The following ADNP variants were observed in gnomAD, a reference collection of about 807,000 sequenced individuals.
ADNP encodes activity dependent neuroprotector homeobox.
In ADNP, 4 loss-of-function variants were observed where a neutral mutation model predicts 84.9. The ratio of observed to expected loss-of-function variants is 0.05; its 90% CI spans 0.02 to 0.11. ADNP has a LOEUF of 0.11. ADNP is among the 10% of genes least tolerant of loss of function. The pLI is 1.00. For missense variants in ADNP, 1,132 were observed against 1,326.0 expected, an observed-to-expected ratio of 0.85 and a Z score of 2.27; for synonymous variants, 554 against 468.1, an observed-to-expected ratio of 1.18 and a Z score of -2.37.
In ADNP at chr20:50,892,617, C is replaced by G. The variant is rs752177615; in HGVS notation, c.2097G>C (p.Lys699Asn). The G allele has an allele frequency of 6.2e-7, 1 of 1,614,196 alleles. No individual in the cohort carries two copies. Residue 699 changes from lysine (K) to asparagine (N), a missense_variant, in exon 6 of 6, where the codon AAG (lysine) becomes AAC (asparagine). This residue lies in a region of ADNP where 101 missense variants were observed against 78.5 expected (regional missense o/e 1.29). Transcript: ENST00000621696. ...GATTAAGCCGAGAGGGTGCATTTGT[C>G]TTATCCTGGCCATTTTGGGTCTTTC... is the stretch of plus-strand genomic sequence containing the variant. ...GVGKTQNGQD[K>N]TNAPSRLNQS...
At chr20:50,895,561 A>G (rs564753102) in intron 5 of ADNP, among the ~76,000 whole-genome samples, 1 of 152,140 alleles carries the variant, frequency 6.6e-6, no homozygotes, top group East Asian at 1.9e-4. Flanking sequence ...TAAAAAAAAA[A>G]TTTTGAGACA....
chr20:50,889,604 T>G lies in ADNP; in HGVS notation c.*1801A>C, dbSNP rs1341597212. The G allele has an allele frequency of 8.8e-6, 3 of 340,836 alleles. No homozygotes were observed. Among genetic ancestry groups the G allele is most frequent in the African/African-American group, 6.3e-5 (3 of 47,508 alleles). The allele number at this position is 340,836 out of a possible 1,614,324, so 21.1% of individuals were successfully genotyped here. A position where few individuals can be genotyped will look rare whatever the true frequency, so the allele number is the denominator to read the frequency against. ...ACAGCATTAACAAGAGTCTTTCTTTTGGAAACAGACTCAGAAGTTATGGAC... is the reference window on the plus strand; with the variant it reads ...ACAGCATTAACAAGAGTCTTTCTTTGGGAAACAGACTCAGAAGTTATGGAC... On this transcript the variant is annotated 3_prime_UTR_variant, in exon 6 of 6. Coordinates refer to ENST00000621696, the MANE Select transcript of ADNP (RefSeq NM_001282531.3).
At chr20:50,907,385 ACCT>A (rs1982589570) in intron 2 of ADNP, among the ~76,000 whole-genome samples, 1 of 133,224 alleles carries the variant, frequency 7.5e-6, no homozygotes, top group African/African-American at 2.9e-5. Context: ...TCCTTCCTCA[ACCT>A]CCTGAGTAGC....
chr20:50,901,455 T>C (rs1179871330), intron 5 of ADNP, among the ~76,000 whole-genome samples: 5 of 151,770 alleles, frequency 3.3e-5, no homozygotes, highest in Admixed American at 6.6e-5. Flanking sequence ...AAAAATTAAA[T>C]TGACAATTAC....
In ADNP at chr20:50,918,525, T is replaced by A. The variant is rs6013042; in HGVS notation, c.-90+10126A>T. 2.0e-3 allele frequency among the ~76,000 whole-genome samples: 303 copies of A among 152,304 alleles called. 1 individual carries two copies. The highest frequency in any genetic ancestry group is 7.0e-3 in the African/African-American group (292 of 41,554). On this transcript the variant is annotated intron_variant, in intron 2 of 5. Coordinates refer to ENST00000621696, the MANE Select transcript of ADNP (RefSeq NM_001282531.3). ...AAAAAAAATGGTAGAGTGTTCACGT[T>A]ATTGGCAAATCTGCTCCACTCCAAG...
At chr20:50,909,052 C>T (rs1389502314) in intron 2 of ADNP, among the ~76,000 whole-genome samples, 2 of 150,626 alleles carry the variant, frequency 1.3e-5, no homozygotes, top group Non-Finnish European at 3.0e-5. Context: ...TTCTCTTTTG[C>T]CTCATTAGGA....
chr20:50,930,940 CG>C lies in ADNP; in HGVS notation c.-380del. On this transcript the variant is annotated 5_prime_UTR_variant, in exon 1 of 6. Coordinates refer to ENST00000621696, the MANE Select transcript of ADNP (RefSeq NM_001282531.3). Reference sequence around the variant, plus strand: ...GTGGCGGCAGCGGGGAGGGCGCGCCCGGGGCCTCGTCGCGCTCCGGCTCGGC... The same window carrying C: ...GTGGCGGCAGCGGGGAGGGCGCGCCCGGGCCTCGTCGCGCTCCGGCTCGGC... 1 of 141,942 alleles carries C rather than the reference CG, an allele frequency of 7.0e-6. No homozygotes were observed. The highest frequency in any genetic ancestry group is 1.9e-4 in the South Asian group (1 of 5,342). The allele number at this position is 141,942 out of a possible 1,614,324, so 8.8% of individuals were successfully genotyped here.
chr20:50,911,515 T>C (rs1010889894), intron 2 of ADNP, among the ~76,000 whole-genome samples: 10 of 151,964 alleles, frequency 6.6e-5, no homozygotes, highest in East Asian at 5.8e-4. Flanking sequence ...CTTTTCTTTT[T>C]TTTTTTTTTG....
At chr20:50,910,987 G>A (rs1982971968) in intron 2 of ADNP, among the ~76,000 whole-genome samples, 2 of 152,146 alleles carry the variant, frequency 1.3e-5, no homozygotes, top group African/African-American at 4.8e-5. Context: ...ACTGTTGAGT[G>A]AACTAGCCAT....
intron 2 of ADNP, among the ~76,000 whole-genome samples, chr20:50,919,919 T>C (rs1004367522): frequency 2.0e-5 from 3 of 152,064 alleles, no homozygotes; most frequent in Admixed American, 1.3e-4. Context: ...CCATGTCTGG[T>C]AGGCACCGAG....
At chr20:50,907,537 G>C (rs530809054) in intron 2 of ADNP, among the ~76,000 whole-genome samples, 4 of 152,288 alleles carry the variant, frequency 2.6e-5, no homozygotes, top group African/African-American at 9.6e-5. Flanking sequence ...AAAGTGCTGG[G>C]ATTACAGGCG....
rs1982231582 is a variant in ADNP, at chr20:50,903,969, C to A, written c.28G>T (p.Gly10Cys). MFQLPVNNL[G>C]SLRKARKTVK... ...GTTTTCCGGGCTTTTCTTAAACTGC[C>A]AAGATTGTTGACAGGAAGTTGGAAC... Residue 10 changes from glycine to cysteine, a missense_variant, in exon 4 of 6, where the codon GGC becomes TGC. Physicochemically the swap from Gly to Cys is radical, Grantham distance 159 (BLOSUM62 -3). This residue lies in a region of ADNP where 56 missense variants were observed against 94.6 expected (regional missense o/e 0.59). Coordinates refer to ENST00000621696, the MANE Select transcript of ADNP (RefSeq NM_001282531.3). 1.2e-6 allele frequency: 2 copies of A among 1,613,560 alleles called. No individual in the cohort carries two copies. Among genetic ancestry groups the A allele is most frequent in the Non-Finnish European group, 1.7e-6 (2 of 1,179,928 alleles).
chr20:50,928,514 C>T (rs984688630), intron 2 of ADNP, 137 bp downstream of exon 2: 1 of 152,210 alleles, frequency 6.6e-6, no homozygotes, highest in Non-Finnish European at 1.5e-5. Flanking sequence ...ACTACTGCAA[C>T]CAGCTCTAAC....
At chr20:50,916,577 C>T (rs1011450607) in intron 2 of ADNP, among the ~76,000 whole-genome samples, 1 of 152,152 alleles carries the variant, frequency 6.6e-6, no homozygotes. Flanking sequence ...AACTGTTATT[C>T]GGATGTGACA....
At chr20:50,908,147 G>GTTTTTT (rs142605027) in intron 2 of ADNP, among the ~76,000 whole-genome samples, 4 of 105,914 alleles carry the variant, frequency 3.8e-5, no homozygotes, top group South Asian at 3.4e-4. Context: ...AGATTTTTCT[G>GTTTTTT]TTTTTTTTTT....
chr20:50,894,841 C>T (rs1166273060), intron 5 of ADNP, among the ~76,000 whole-genome samples: 1 of 151,962 alleles, frequency 6.6e-6, no homozygotes, highest in Admixed American at 6.6e-5. Flanking sequence ...GAGGTTGCAA[C>T]GAGCCGAGAT....
chr20:50,915,168 C>G (rs1983414385), intron 2 of ADNP, among the ~76,000 whole-genome samples: 1 of 152,102 alleles, frequency 6.6e-6, no homozygotes, highest in African/African-American at 2.4e-5. Context: ...AAACATCATT[C>G]TTGTATTTGT....
At position 50,888,974 on chromosome 20, in the gene ADNP, T is replaced by C. The variant is rs1980361516; in HGVS notation, c.*2431A>G. 6.6e-6 allele frequency: 1 copy of C among 152,140 alleles called. No individual in the cohort carries two copies. Among genetic ancestry groups the C allele is most frequent in the Non-Finnish European group, 1.5e-5 (1 of 68,022 alleles). The allele number at this position is 152,140 out of a possible 1,614,324, so 9.4% of individuals were successfully genotyped here. On this transcript the variant is annotated 3_prime_UTR_variant, in exon 6 of 6. Coordinates refer to ENST00000621696, the MANE Select transcript of ADNP (RefSeq NM_001282531.3). ...GTTCAGCCTACATTTACAGGCATTC[T>C]CTAATTAGGTGGCAGCACGTTGCCA...
intron 3 of ADNP, chr20:50,904,551 C>G (rs2122846085): frequency 6.6e-6 from 1 of 152,388 alleles, no homozygotes; most frequent in South Asian, 2.1e-4. Flanking sequence ...TTAAAGCAGG[C>G]AGGCAAAATA....
Sources: allele counts gnomAD v4.1 joint callset (sites outside exome capture counted in the v4.1 genomes callset), GRCh38; gene constraint gnomAD v4.1.1; regional missense constraint gnomAD v4.1.1; transcripts MANE v1.5; gene names NCBI Gene and HGNC (gene_info 2026-07-23, HGNC 2026-07-21).